DPP6: variants seen among roughly 807,000 people sequenced by gnomAD.
DPP6 encodes the protein dipeptidyl peptidase like 6.
In DPP6, 69 loss-of-function variants were observed where a neutral mutation model predicts 122.6. That is an observed-to-expected ratio of 0.56 (90% CI 0.46 to 0.69). DPP6 has a LOEUF of 0.69. DPP6 is among the 30% of genes least tolerant of loss of function. The pLI is 0.00. For synonymous variants in DPP6, 418 were observed against 433.1 expected (o/e 0.97, Z 0.43); for missense variants, 928 against 1,116.9 (o/e 0.83, Z 2.41).
At chr7:154,438,268 C>T (rs377602653) in intron 1 of DPP6, among the ~76,000 whole-genome samples, 2 of 151,832 alleles carry the variant, frequency 1.3e-5, no homozygotes, top group East Asian at 3.9e-4. Context: ...GAGATCGAGA[C>T]CATCCTGGCT....
At chr7:154,213,141 C>T (rs543083095) in intron 1 of DPP6, among the ~76,000 whole-genome samples, 7 of 152,102 alleles carry the variant, frequency 4.6e-5, no homozygotes, top group Non-Finnish European at 7.4e-5. Flanking sequence ...GTTCAGCCAG[C>T]GCTCTTGGCA....
chr7:154,137,650 T>TGGG (rs1419049474), intron 1 of DPP6, among the ~76,000 whole-genome samples: 326 of 9,946 alleles, frequency 0.033, 2 homozygotes, highest in Middle Eastern at 0.1. Context: ...GTGGGGGGGG[T>TGGG]GGGGGGGTGG....
chr7:153,922,975 T>TG (rs1269993525), intron 1 of DPP6, among the ~76,000 whole-genome samples: 1 of 152,198 alleles, frequency 6.6e-6, no homozygotes, highest in Non-Finnish European at 1.5e-5. Flanking sequence ...TTGGGACTCT[T>TG]TGATCATTTT....
At chr7:153,807,946 A>G in the DPP6 span, among the ~76,000 whole-genome samples, 3 of 151,878 alleles carry the variant, frequency 2.0e-5, no homozygotes, top group Non-Finnish European at 4.4e-5. Flanking sequence ...ATGAAGACAT[A>G]CCAAGCCCAT....
intron 1 of DPP6, among the ~76,000 whole-genome samples, chr7:154,083,879 A>G (rs1804211196): frequency 6.7e-6 from 1 of 148,190 alleles, no homozygotes; most frequent in South Asian, 2.1e-4. Context: ...ATTGAGAGGA[A>G]GTGTGGGAAA....
chr7:154,062,607 C>T (rs1452055211), intron 1 of DPP6, among the ~76,000 whole-genome samples: 3 of 19,026 alleles, frequency 1.6e-4, no homozygotes, highest in African/African-American at 3.9e-4. Flanking sequence ...TGAGAGCCAA[C>T]CCCTGGTTCC....
At chr7:154,727,643 T>C (rs1842128753) in intron 7 of DPP6, 124 bp from the exon 8 acceptor site, 1 of 1,336,528 alleles carries the variant, frequency 7.5e-7, no homozygotes. Flanking sequence ...AGACTGCCTT[T>C]GTTCTGTCTA....
intron 19 of DPP6, among the ~76,000 whole-genome samples, chr7:154,874,972 T>A (rs1263503183): frequency 6.6e-6 from 1 of 152,156 alleles, no homozygotes; most frequent in East Asian, 1.9e-4. Flanking sequence ...TGGTGGCACA[T>A]GCCTGTGGTC....
intron 1 of DPP6, among the ~76,000 whole-genome samples, chr7:153,891,662 G>C (rs150112810): frequency 6.6e-6 from 1 of 152,136 alleles, no homozygotes; most frequent in East Asian, 1.9e-4. Flanking sequence ...GTGTTGCTTC[G>C]TGCTGAATTC....
intron 1 of DPP6, among the ~76,000 whole-genome samples, chr7:154,063,890 T>A (rs567193509): frequency 6.6e-6 from 1 of 151,430 alleles, no homozygotes; most frequent in Non-Finnish European, 1.5e-5. Flanking sequence ...AGGAGAATCA[T>A]GTCAGGAGCT....
At chr7:154,779,056 C>T (rs1219669350) in intron 10 of DPP6, among the ~76,000 whole-genome samples, 1 of 2,986 alleles carries the variant, frequency 3.3e-4, no homozygotes. Flanking sequence ...CTACCCCCAC[C>T]ATCACCACCA....
chr7:154,774,082 C>T lies in DPP6; in HGVS notation c.1136+1140C>T, dbSNP rs574515150. ...CCCAGAAGCCCAGTGCTCTAGGAAG[C>T]GTGAGGCACTGCCTGCCCCTCTCAG... On this transcript the variant is annotated intron_variant, in intron 10 of 25. Transcript: ENST00000377770. Among the ~76,000 whole-genome samples, 65 of 152,308 alleles carry T rather than the reference C, an allele frequency of 4.3e-4. No homozygotes were observed. The South Asian group carries it at 0.013, about 31-fold the overall frequency.
rs532475639 is a variant in DPP6, at chr7:154,070,589, G to T, written c.243+17526G>T. On this transcript the variant is annotated intron_variant, in intron 1 of 25. Coordinates refer to ENST00000377770, the MANE Select transcript of DPP6 (RefSeq NM_130797.4). Reference sequence around the variant, plus strand: ...TGCTTCTCTAAGATTTTTTTTTCCTGAATGACATAATTAATTAATGAGGTC... The same window carrying T: ...TGCTTCTCTAAGATTTTTTTTTCCTTAATGACATAATTAATTAATGAGGTC... 1.1e-3 allele frequency among the ~76,000 whole-genome samples: 171 copies of T among 151,694 alleles called. 2 individuals are homozygous for T. Among genetic ancestry groups the T allele is most frequent in the African/African-American group, 4.0e-3 (165 of 41,346 alleles).
In DPP6 at chr7:154,254,579, T is replaced by A. The variant is rs147619817; in HGVS notation, c.244-191635T>A. Among the ~76,000 whole-genome samples, 425 of 152,146 alleles carry A rather than the reference T, an allele frequency of 2.8e-3. 6 individuals carry two copies. In the South Asian group the frequency reaches 0.039, roughly 14 times the overall value. Reference sequence around the variant, plus strand: ...ACATTAGCTGCCTCCTTGGGCTATTTTGTGTATGTAGTGGGGTGGGCAGTG... The same window carrying A: ...ACATTAGCTGCCTCCTTGGGCTATTATGTGTATGTAGTGGGGTGGGCAGTG... On this transcript the variant is annotated intron_variant, in intron 1 of 25. Coordinates refer to ENST00000377770, the MANE Select transcript of DPP6 (RefSeq NM_130797.4).
the DPP6 span, among the ~76,000 whole-genome samples, chr7:153,767,132 T>C: frequency 1.3e-4 from 20 of 152,170 alleles, 1 homozygote; most frequent in African/African-American, 4.6e-4. Flanking sequence ...GAAAAGTAAA[T>C]GGTGTGTGAA....
intron 1 of DPP6, among the ~76,000 whole-genome samples, chr7:153,925,786 G>T (rs1004802272): frequency 3.3e-5 from 5 of 152,236 alleles, no homozygotes; most frequent in African/African-American, 1.2e-4. Context: ...ACCCAAAGTG[G>T]CTTCCCTAAT....
intron 25 of DPP6, 109 bp from the exon 26 acceptor site, chr7:154,892,225 C>T (rs1806672883): frequency 3.5e-6 from 5 of 1,445,854 alleles, no homozygotes; most frequent in Non-Finnish European, 1.9e-6. Context: ...CAACTACAAT[C>T]CAGCCCCGGA....
At chr7:154,191,134 A>G (rs1280862750) in intron 1 of DPP6, among the ~76,000 whole-genome samples, 1 of 152,158 alleles carries the variant, frequency 6.6e-6, no homozygotes, top group Non-Finnish European at 1.5e-5. Flanking sequence ...CGAGGTTGAG[A>G]TCCTATGCTC....
intron 7 of DPP6, among the ~76,000 whole-genome samples, chr7:154,696,962 C>A (rs895956358): frequency 9.4e-5 from 1 of 10,594 alleles, no homozygotes; most frequent in African/African-American, 4.6e-4. Flanking sequence ...GTCCCAGCCC[C>A]TGAGAGAGTA....
Sources: allele counts gnomAD v4.1 joint callset (sites outside exome capture counted in the v4.1 genomes callset), GRCh38; gene constraint gnomAD v4.1.1; transcripts MANE v1.5; gene names NCBI Gene and HGNC (gene_info 2026-07-23, HGNC 2026-07-21).